Variants in LITAF observed in about 807,000 individuals in gnomAD.
LITAF encodes the protein lipopolysaccharide induced TNF factor.
Under a neutral mutation model 14.5 loss-of-function variants are expected in LITAF, and 9 were observed. The ratio of observed to expected loss-of-function variants is 0.62; its 90% CI spans 0.37 to 1.08. LITAF has a LOEUF of 1.08. Ranked by LOEUF, LITAF falls within the 50% of genes least tolerant of loss-of-function variation. The probability of loss-of-function intolerance (pLI) is 0.01; values close to 1 mark genes in which losing one functional copy is unlikely to be tolerated. For synonymous variants in LITAF, 98 were observed against 88.2 expected, an observed-to-expected ratio of 1.11 and a Z score of -0.62; for missense variants, 206 against 213.4, an observed-to-expected ratio of 0.97 and a Z score of 0.22.
upstream of LITAF, among the ~76,000 whole-genome samples, chr16:11,637,286 G>C (rs926234790): frequency 6.6e-6 from 1 of 152,322 alleles, no homozygotes; most frequent in East Asian, 1.9e-4. Flanking sequence ...CCATCTCTTT[G>C]GGTCAGTGTG....
rs2064808038 is a variant in LITAF at position 11,586,384 on chromosome 16, G to C, written c.-6+502C>G. ...GGCAGGGAGAGAAACGCGGGTACCC[G>C]CGCCCCTAGAAGTCAAATGTTTGGC... On this transcript the variant is annotated intron_variant, in intron 1 of 3. Transcript: ENST00000622633. The surrounding 1 kb of genome is among the most constrained non-coding windows in gnomAD (Gnocchi z 6.5). The C allele has an allele frequency of 6.6e-6, 1 of 152,268 alleles. No homozygotes were observed. Among genetic ancestry groups the C allele is most frequent in the African/African-American group, 2.4e-5 (1 of 41,480 alleles). 9.4% of individuals were successfully genotyped at this position (152,268 alleles called of 1,614,324 possible).
intron 1 of LITAF, among the ~76,000 whole-genome samples, chr16:11,580,329 C>A (rs1003411360): frequency 6.6e-6 from 1 of 151,886 alleles, no homozygotes; most frequent in African/African-American, 2.4e-5. Context: ...GTGATCTCAG[C>A]TCACTGTAAC....
chr16:11,602,117 T>C (rs764095388), upstream of LITAF, among the ~76,000 whole-genome samples: 3 of 152,110 alleles, frequency 2.0e-5, no homozygotes, highest in Non-Finnish European at 2.9e-5. Context: ...CTCAGAACTT[T>C]TGGGGAGGCC....
At chr16:11,581,700 C>G (rs2141831134) in intron 1 of LITAF, among the ~76,000 whole-genome samples, 1 of 152,132 alleles carries the variant, frequency 6.6e-6, no homozygotes, top group South Asian at 2.1e-4. Context: ...TCTGACACTT[C>G]TAACTGATGA....
At chr16:11,626,550 G>T (rs1015757734) in intron 3 of LITAF, among the ~76,000 whole-genome samples, 1 of 152,176 alleles carries the variant, frequency 6.6e-6, no homozygotes, top group Non-Finnish European at 1.5e-5. Context: ...ATATTGGCCA[G>T]GCTGGTCTCC....
chr16:11,626,183 C>CAA (rs369346931), intron 3 of LITAF, among the ~76,000 whole-genome samples: 1 of 145,234 alleles, frequency 6.9e-6, no homozygotes, highest in Non-Finnish European at 1.5e-5. Flanking sequence ...ACAAAACGAA[C>CAA]AAAAAAAAAA....
At chr16:11,630,553 T>G (rs2065111963) in intron 3 of LITAF, among the ~76,000 whole-genome samples, 1 of 145,268 alleles carries the variant, frequency 6.9e-6, no homozygotes, top group Admixed American at 6.9e-5. Flanking sequence ...TGCCTTCCCC[T>G]ACCTGCCCCT....
chr16:11,638,881 CTGTGTATTTTTTTT>C (rs1464446897), upstream of LITAF, among the ~76,000 whole-genome samples: 2 of 151,554 alleles, frequency 1.3e-5, no homozygotes, highest in Non-Finnish European at 2.9e-5. Context: ...CCTTTTTAAC[CTGTGTATTTTTTTT>C]TTTGCATTGA....
Position 11,579,312 on chromosome 16 carries a change from G to A in LITAF, c.-6+7574C>T, listed in dbSNP as rs1048701934. Among the ~76,000 whole-genome samples, 36 of 151,378 alleles carry A rather than the reference G, an allele frequency of 2.4e-4. 1 individual carries two copies. Among genetic ancestry groups the A allele is most frequent in the East Asian group, 1.7e-3 (9 of 5,172 alleles). On this transcript the variant is annotated intron_variant, in intron 1 of 3. Transcript: ENST00000622633. ...TAAAAATACAAAAAATTAGCCGGGC[G>A]CGGTGGCGGGCGCCTGTAGTCCCAG... is the stretch of plus-strand genomic sequence containing the variant.
In LITAF at chr16:11,553,153, T is replaced by C. The variant is rs1268096779; in HGVS notation, c.377+380A>G. 6.8e-6 allele frequency among the ~76,000 whole-genome samples: 1 copy of C among 146,216 alleles called. No individual in the cohort carries two copies. Among genetic ancestry groups the C allele is most frequent in the African/African-American group, 2.6e-5 (1 of 39,196 alleles). On this transcript the variant is annotated intron_variant, in intron 3 of 3. Transcript: ENST00000622633. This position sits in a 1 kb window ranked among gnomAD's most constrained non-coding sequence, Gnocchi z 7.7. ...AATGCCTTAGGCCAGGCACAGTGGC[T>C]CACACCTGTAACCCCAGCAGTTTGG...
intron 1 of LITAF, among the ~76,000 whole-genome samples, chr16:11,594,066 GT>G (rs2064866110): frequency 6.6e-6 from 1 of 151,834 alleles, no homozygotes; most frequent in Admixed American, 6.6e-5. Flanking sequence ...CACAGCTATA[GT>G]CCCAGCTACT....
chr16:11,600,755 G>A (rs982867875), upstream of LITAF, among the ~76,000 whole-genome samples: 1 of 152,090 alleles, frequency 6.6e-6, no homozygotes, highest in Non-Finnish European at 1.5e-5. This position sits in a 1 kb window ranked among gnomAD's most constrained non-coding sequence, Gnocchi z 4.1. Flanking sequence ...CACAGGGGGA[G>A]AACTTCCCTG....
rs918857117 is a variant in LITAF, at chr16:11,553,412, A to G, written c.377+121T>C. 2.6e-5 allele frequency: 30 copies of G among 1,170,204 alleles called. No individual in the cohort carries two copies. Among genetic ancestry groups the G allele is most frequent in the Middle Eastern group, 5.4e-4 (2 of 3,728 alleles). The allele number at this position is 1,170,204 out of a possible 1,614,324, so 72.5% of individuals were successfully genotyped here. ...GGCGACAGAACCAGATTCCATCTCA[A>G]AAAAAAACAACACAAATGTCTGGCC... On this transcript the variant is annotated intron_variant, in intron 3 of 3. Transcript: ENST00000622633. This position sits in a 1 kb window ranked among gnomAD's most constrained non-coding sequence, Gnocchi z 7.7.
At chr16:11,628,557 GC>G (rs1199732062) in intron 3 of LITAF, among the ~76,000 whole-genome samples, 2 of 152,138 alleles carry the variant, frequency 1.3e-5, no homozygotes, top group African/African-American at 4.8e-5. Context: ...GGGCTGGAGT[GC>G]AGTGGCACGA....
chr16:11,579,701 G>A (rs2064704180), intron 1 of LITAF, among the ~76,000 whole-genome samples: 1 of 152,078 alleles, frequency 6.6e-6, no homozygotes, highest in Admixed American at 6.6e-5. Flanking sequence ...GAATAATGGA[G>A]AGAACCAGGA....
In LITAF at chr16:11,586,147, C is replaced by G. The variant is rs1455463394; in HGVS notation, c.-6+739G>C. 1 of 152,436 alleles carries G rather than the reference C, an allele frequency of 6.6e-6. No individual in the cohort carries two copies. The highest frequency in any genetic ancestry group is 2.4e-5 in the African/African-American group (1 of 41,470). 9.4% of individuals were successfully genotyped at this position (152,436 alleles called of 1,614,324 possible). A position where few individuals can be genotyped will look rare whatever the true frequency, so the allele number is the denominator to read the frequency against. On this transcript the variant is annotated intron_variant, in intron 1 of 3. Transcript: ENST00000622633. This position sits in a 1 kb window ranked among gnomAD's most constrained non-coding sequence, Gnocchi z 6.5. ...CCAGCTGGTCCCACCAGCACCTACC[C>G]AGCACCGGCGGTGGACGGTGAGCGG...
chr16:11,576,569 A>C (rs2064639851), intron 1 of LITAF, among the ~76,000 whole-genome samples: 1 of 143,966 alleles, frequency 6.9e-6, no homozygotes, highest in Non-Finnish European at 1.5e-5. Context: ...AGAGAGAAAG[A>C]GAAAAAGAGA....
rs534552115 is a variant in LITAF, at chr16:11,622,776, C to G, written c.85+10757G>C. ...CCACCTAAACCCACCCATGCCTGCT[C>G]TAAACTGTGGAATATGCTTAGTGGA... On this transcript the variant is annotated intron_variant, in intron 3 of 3. Coordinates refer to the LITAF transcript ENST00000574848. 5.3e-4 allele frequency among the ~76,000 whole-genome samples: 81 copies of G among 152,210 alleles called. 1 individual carries two copies. In the South Asian group the frequency reaches 0.016, roughly 30 times the overall value.
At chr16:11,603,409 G>T (rs1392737173), upstream of LITAF, among the ~76,000 whole-genome samples, 1 of 152,178 alleles carries the variant, frequency 6.6e-6, no homozygotes, top group East Asian at 1.9e-4. Flanking sequence ...GCCTCCCGAG[G>T]GGTTTCAAGG....
Sources: gnomAD v4.1 joint callset for allele counts (sites outside exome capture counted in the v4.1 genomes callset) on GRCh38, gnomAD v4.1.1 for gene constraint, Gnocchi (gnomAD v3.1) non-coding constraint, MANE v1.5 for transcripts, NCBI Gene and HGNC (gene_info 2026-07-23, HGNC 2026-07-21) for gene names.